UBE2W: variants seen among roughly 807,000 people sequenced by gnomAD.
The protein encoded by UBE2W is ubiquitin-conjugating enzyme E2 W.
UBE2W carries 18 observed loss-of-function variants against 27.2 expected under a neutral mutation model. That is an observed-to-expected ratio of 0.66 (90% CI 0.46 to 0.98). The LOEUF (loss-of-function observed/expected upper bound fraction) is 0.98. Among genes scored for constraint, UBE2W ranks in the 50% least tolerant of loss-of-function variants. The pLI is 0.00. For synonymous variants in UBE2W, 53 were observed against 57.2 expected, an observed-to-expected ratio of 0.93 and a Z score of 0.33; for missense variants, 90 against 180.2, an observed-to-expected ratio of 0.50 and a Z score of 2.87.
At chr8:73,836,568 T>A (rs553763125) in intron 1 of UBE2W, among the ~76,000 whole-genome samples, 1 of 152,134 alleles carries the variant, frequency 6.6e-6, no homozygotes, top group African/African-American at 2.4e-5. Flanking sequence ...AATGTAGACA[T>A]GGAAGAGCTG....
chr8:73,785,554 C>T (rs544245930), downstream of UBE2W, among the ~76,000 whole-genome samples: 13 of 152,184 alleles, frequency 8.5e-5, no homozygotes, highest in South Asian at 6.2e-4. Flanking sequence ...GCCCAGATAG[C>T]GAACACAGTA....
chr8:73,857,337 T>C (rs755426411), intron 1 of UBE2W, among the ~76,000 whole-genome samples: 15 of 152,186 alleles, frequency 9.9e-5, no homozygotes, highest in East Asian at 3.8e-4. Flanking sequence ...TTAAGGTAGA[T>C]AGCAAACTAA....
intron 1 of UBE2W, among the ~76,000 whole-genome samples, chr8:73,869,655 C>A: frequency 6.6e-6 from 1 of 152,140 alleles, no homozygotes; most frequent in African/African-American, 2.4e-5. Flanking sequence ...GGTGCCACTG[C>A]ACTCCAGTCT....
At chr8:73,848,808 T>C (rs1005017886) in intron 1 of UBE2W, among the ~76,000 whole-genome samples, 1 of 152,228 alleles carries the variant, frequency 6.6e-6, no homozygotes, top group Non-Finnish European at 1.5e-5. Flanking sequence ...TATTTTTTCA[T>C]GTATGGTGAT....
At chr8:73,866,868 G>A (rs1198900488) in intron 1 of UBE2W, among the ~76,000 whole-genome samples, 1 of 151,694 alleles carries the variant, frequency 6.6e-6, no homozygotes, top group Non-Finnish European at 1.5e-5. Context: ...AGCTAGGTGT[G>A]GTGGCAGGCA....
chr8:73,878,837 C>T lies in UBE2W; in HGVS notation c.-15G>A, dbSNP rs528120630. The T allele has an allele frequency of 5.8e-6, 9 of 1,549,760 alleles. No homozygotes were observed. The Admixed American group carries it at 1.4e-4, about 24-fold the overall frequency. On this transcript the variant is annotated 5_prime_UTR_variant, in exon 1 of 6. Coordinates refer to ENST00000602593, the MANE Select transcript of UBE2W (RefSeq NM_018299.6). ...ATTGACGCCATGATGGAACCATCCCCCCAAGACCGGCGAGGCCAGAGACGC... is the reference window on the plus strand; with the variant it reads ...ATTGACGCCATGATGGAACCATCCCTCCAAGACCGGCGAGGCCAGAGACGC...
At chr8:73,837,100 GCAT>G (rs565951107) in intron 1 of UBE2W, among the ~76,000 whole-genome samples, 13 of 152,272 alleles carry the variant, frequency 8.5e-5, no homozygotes, top group Admixed American at 8.5e-4. Context: ...ATTGTAAGAT[GCAT>G]CATCATTTTA....
intron 2 of UBE2W, 50 bp downstream of exon 2, chr8:73,830,331 A>T (rs771105508): frequency 7.5e-7 from 1 of 1,339,424 alleles, no homozygotes; most frequent in Non-Finnish European, 1.1e-6. Context: ...GTGAACATTC[A>T]TACATTATTG....
At chr8:73,853,422 C>A (rs986938716) in intron 1 of UBE2W, among the ~76,000 whole-genome samples, 2 of 152,104 alleles carry the variant, frequency 1.3e-5, no homozygotes, top group Non-Finnish European at 2.9e-5. Flanking sequence ...TGCCACCATG[C>A]CCAGCTAGTT....
At chr8:73,797,411 C>T (rs1040196510) in intron 5 of UBE2W, among the ~76,000 whole-genome samples, 8 of 152,078 alleles carry the variant, frequency 5.3e-5, no homozygotes, top group Admixed American at 2.0e-4. Context: ...TTTCCTTTAA[C>T]GAACCAATTC....
At chr8:73,840,563 A>C in intron 1 of UBE2W, among the ~76,000 whole-genome samples, 1 of 152,362 alleles carries the variant, frequency 6.6e-6, no homozygotes, top group East Asian at 1.9e-4. Context: ...AAAATTCCTT[A>C]CTTTGTAAAA....
Position 73,787,664 on chromosome 8 carries a change from AG to A in UBE2W, c.*6437del, listed in dbSNP as rs1365082859. 1.0e-6 allele frequency: 1 copy of A among 985,328 alleles called. No individual in the cohort carries two copies. The highest frequency in any genetic ancestry group is 1.7e-5 in the African/African-American group (1 of 57,246). 61.0% of individuals were successfully genotyped at this position (985,328 alleles called of 1,614,324 possible). A position where few individuals can be genotyped will look rare whatever the true frequency, so the allele number is the denominator to read the frequency against. On this transcript the variant is annotated 3_prime_UTR_variant, in exon 6 of 6. Coordinates refer to ENST00000602593, the MANE Select transcript of UBE2W (RefSeq NM_018299.6). Reference sequence around the variant, plus strand: ...TGTCAGGAATAACAGATGCTGAGATAGCCCCTTCTTGTGGTTATTTCTTTCC... The same window carrying A: ...TGTCAGGAATAACAGATGCTGAGATACCCCTTCTTGTGGTTATTTCTTTCC...
At chr8:73,799,574 G>C (rs1249944019) in intron 5 of UBE2W, among the ~76,000 whole-genome samples, 1 of 152,102 alleles carries the variant, frequency 6.6e-6, no homozygotes, top group Non-Finnish European at 1.5e-5. Flanking sequence ...CAGCATCCAG[G>C]AAGTATATAT....
chr8:73,851,629 A>G (rs527844683), intron 1 of UBE2W, among the ~76,000 whole-genome samples: 5 of 152,298 alleles, frequency 3.3e-5, no homozygotes, highest in African/African-American at 1.2e-4. Context: ...ACAATGTGGC[A>G]TATGTACTGG....
rs1808001269 is a variant in UBE2W at position 73,787,421 on chromosome 8, T to C, written c.*6681A>G. On this transcript the variant is annotated 3_prime_UTR_variant, in exon 6 of 6. Transcript: ENST00000602593. ...ACTATGGAAAGTAGAAATTAAGGATTATAATAAAGGAAAAGGGCATCATCA... is the reference window on the plus strand; with the variant it reads ...ACTATGGAAAGTAGAAATTAAGGATCATAATAAAGGAAAAGGGCATCATCA... 1.0e-6 allele frequency: 1 copy of C among 985,240 alleles called. No individual in the cohort carries two copies. The highest frequency in any genetic ancestry group is 4.7e-5 in the South Asian group (1 of 21,292). 61.0% of individuals were successfully genotyped at this position (985,240 alleles called of 1,614,324 possible).
chr8:73,810,078 T>C (rs914125729), intron 4 of UBE2W, among the ~76,000 whole-genome samples: 3 of 152,036 alleles, frequency 2.0e-5, no homozygotes, highest in Admixed American at 6.6e-5. Flanking sequence ...CTGAAACAGG[T>C]TGATCGGGTG....
intron 1 of UBE2W, among the ~76,000 whole-genome samples, chr8:73,847,762 C>G (rs1444883109): frequency 1.3e-5 from 2 of 151,850 alleles, no homozygotes; most frequent in African/African-American, 2.4e-5. Context: ...ATTAGCCGGG[C>G]ATGGTGGCAG....
downstream of UBE2W, among the ~76,000 whole-genome samples, chr8:73,782,348 C>A (rs1482823672): frequency 6.6e-6 from 1 of 152,008 alleles, no homozygotes; most frequent in Non-Finnish European, 1.5e-5. Flanking sequence ...CCAAGACAAT[C>A]AAGATAATGA....
intron 1 of UBE2W, among the ~76,000 whole-genome samples, chr8:73,878,236 C>G (rs931836873): frequency 6.6e-6 from 1 of 152,180 alleles, no homozygotes; most frequent in Admixed American, 6.5e-5. Context: ...CCCACGGGCA[C>G]AGGATTAAGA....
Sources: allele counts gnomAD v4.1 joint callset (sites outside exome capture counted in the v4.1 genomes callset), GRCh38; gene constraint gnomAD v4.1.1; transcripts MANE v1.5; gene names NCBI Gene and HGNC (gene_info 2026-07-23, HGNC 2026-07-21).